Variants in PLXNA4 observed in about 807,000 individuals in gnomAD.
PLXNA4 encodes the protein plexin-A4.
Under a neutral mutation model 191.8 loss-of-function variants are expected in PLXNA4, and 44 were observed. The ratio of observed to expected loss-of-function variants is 0.23; its 90% CI spans 0.18 to 0.29. The LOEUF (loss-of-function observed/expected upper bound fraction) is 0.29. Among genes scored for constraint, PLXNA4 ranks in the 10% least tolerant of loss-of-function variants. PLXNA4 has a pLI of 1.00. For synonymous variants in PLXNA4, 1,082 were observed against 1,009.5 expected (o/e 1.07, Z -1.36); for missense variants, 1,800 against 2,488.8 (o/e 0.72, Z 5.89).
intron 1 of PLXNA4, among the ~76,000 whole-genome samples, chr7:132,532,899 A>G (rs897797455): frequency 1.3e-5 from 2 of 152,148 alleles, no homozygotes; most frequent in African/African-American, 2.4e-5. Context: ...CCTGAGACTA[A>G]CTATTTATTC....
chr7:132,221,692 C>T (rs1428963790), intron 9 of PLXNA4, among the ~76,000 whole-genome samples: 1 of 152,210 alleles, frequency 6.6e-6, no homozygotes, highest in African/African-American at 2.4e-5. Context: ...CACACTCTTA[C>T]ATAAAATCCA....
At chr7:132,428,449 C>T (rs758004751) in intron 3 of PLXNA4, among the ~76,000 whole-genome samples, 4 of 152,332 alleles carry the variant, frequency 2.6e-5, no homozygotes, top group African/African-American at 7.2e-5. Context: ...TCCCTGTTGG[C>T]GCCTGGTGCA....
At chr7:132,490,423 CTTTTTT>C (rs35467841) in intron 2 of PLXNA4, among the ~76,000 whole-genome samples, 1 of 110,502 alleles carries the variant, frequency 9.0e-6, no homozygotes, top group Non-Finnish European at 1.7e-5. Context: ...CCTTTTCTTC[CTTTTTT>C]TTTTTTTTTT....
chr7:132,183,504 T>C (rs1796778882), intron 16 of PLXNA4, among the ~76,000 whole-genome samples: 1 of 152,198 alleles, frequency 6.6e-6, no homozygotes, highest in African/African-American at 2.4e-5. Context: ...TCCCTCCTAG[T>C]GGGAGCATGA....
intron 25 of PLXNA4, among the ~76,000 whole-genome samples, chr7:132,151,352 A>G (rs1302722185): frequency 2.1e-4 from 15 of 70,988 alleles, no homozygotes; most frequent in East Asian, 5.6e-4. Flanking sequence ...GAGGAGGAAG[A>G]AGAAGGAGGA....
intron 2 of PLXNA4, among the ~76,000 whole-genome samples, chr7:132,605,342 T>G (rs528938671): frequency 2.0e-5 from 3 of 152,196 alleles, no homozygotes; most frequent in Non-Finnish European, 4.4e-5. Context: ...TGAGGCTATG[T>G]CTGAGAAACA....
At chr7:132,446,440 G>C (rs1040929709) in intron 3 of PLXNA4, among the ~76,000 whole-genome samples, 1 of 152,112 alleles carries the variant, frequency 6.6e-6, no homozygotes, top group Non-Finnish European at 1.5e-5. Context: ...ATTTGAAAAG[G>C]GTGGAACTCA....
intron 3 of PLXNA4, among the ~76,000 whole-genome samples, chr7:132,398,486 C>T (rs906146938): frequency 2.0e-5 from 3 of 152,174 alleles, no homozygotes; most frequent in African/African-American, 7.2e-5. Flanking sequence ...GTGGAGATGC[C>T]GTCCATGCCC....
intron 3 of PLXNA4, among the ~76,000 whole-genome samples, chr7:132,390,199 A>G (rs768409630): frequency 7.2e-5 from 11 of 152,248 alleles, no homozygotes; most frequent in Non-Finnish European, 8.8e-5. Context: ...TGGACAAAGA[A>G]AATGTGGCCC....
In PLXNA4 at chr7:132,132,502, A is replaced by ATTCT. The variant is rs1563048601; in HGVS notation, c.5589+543_5589+546dup. On this transcript the variant is annotated intron_variant, in intron 31 of 31. Coordinates refer to ENST00000321063, the MANE Select transcript of PLXNA4 (RefSeq NM_020911.2). ...GCTCTGCTCTGCTCTATTCTTTTCT[A>ATTCT]TTCTATTCTATTCTATTCTATTCTA... Among the ~76,000 whole-genome samples, 216 of 88,210 alleles carry ATTCT rather than the reference A, an allele frequency of 2.4e-3. 7 individuals are homozygous for ATTCT. Among genetic ancestry groups the ATTCT allele is most frequent in the African/African-American group, 0.01 (197 of 18,900 alleles). The allele number at this position is 88,210 out of a possible 152,430, so 57.9% of individuals were successfully genotyped here. A position where few individuals can be genotyped will look rare whatever the true frequency, so the allele number is the denominator to read the frequency against.
chr7:132,519,280 A>G (rs954834551), intron 1 of PLXNA4, among the ~76,000 whole-genome samples: 1 of 152,192 alleles, frequency 6.6e-6, no homozygotes, highest in African/African-American at 2.4e-5. Flanking sequence ...TACCCAGTCC[A>G]TGAGGAACAC....
chr7:132,245,793 G>A (rs1212990588), intron 4 of PLXNA4, among the ~76,000 whole-genome samples: 2 of 152,206 alleles, frequency 1.3e-5, no homozygotes, highest in African/African-American at 4.8e-5. Context: ...CAACATGGAT[G>A]AACCTCGAGG....
At chr7:132,501,827 A>T (rs1215272437) in intron 2 of PLXNA4, among the ~76,000 whole-genome samples, 3 of 152,216 alleles carry the variant, frequency 2.0e-5, no homozygotes, top group African/African-American at 7.2e-5. Context: ...AGAGGTGGGC[A>T]CTCAGACCAA....
chr7:132,430,059 A>G lies in PLXNA4; in HGVS notation c.1371+59233T>C, dbSNP rs139629698. On this transcript the variant is annotated intron_variant, in intron 3 of 31. Coordinates refer to ENST00000321063, the MANE Select transcript of PLXNA4 (RefSeq NM_020911.2). ...TCTATGCAGAGGGTATTTGTGGCAT[A>G]TGAGGTAATAAGAGACCAACATCCT... 2.9e-4 allele frequency among the ~76,000 whole-genome samples: 44 copies of G among 152,278 alleles called. 1 individual carries two copies. The East Asian group carries it at 8.3e-3, about 29-fold the overall frequency.
intron 3 of PLXNA4, among the ~76,000 whole-genome samples, chr7:132,477,466 G>A (rs1208075660): frequency 6.6e-6 from 1 of 152,198 alleles, no homozygotes; most frequent in Non-Finnish European, 1.5e-5. Flanking sequence ...ATAACATGGA[G>A]CAGGGCTGCA....
intron 25 of PLXNA4, among the ~76,000 whole-genome samples, chr7:132,158,729 G>A (rs919403696): frequency 6.6e-6 from 1 of 152,056 alleles, no homozygotes; most frequent in East Asian, 1.9e-4. Flanking sequence ...AGATGTGTTT[G>A]ATGCTGGCCC....
At position 132,185,392 on chromosome 7, in the gene PLXNA4, T is replaced by C; in HGVS notation, c.3065A>G (p.Gln1022Arg). The change falls in exon 16 of 32, where the codon CAG (glutamine) becomes CGG (arginine). Residue 1022 changes from glutamine to arginine, a missense_variant. Physicochemically the swap from Gln to Arg is conservative, Grantham distance 43. Transcript: ENST00000321063. ...DEVLEMKVSV[Q>R]VDRAKIHQDL... ...CTGGTGGATCTTGGCCCTGTCCACC[T>C]GCACCGACACCTTCATCTCTAGCAC... The C allele has an allele frequency of 6.8e-6, 11 of 1,614,168 alleles. No homozygotes were observed. Among genetic ancestry groups the C allele is most frequent in the Non-Finnish European group, 8.5e-6 (10 of 1,180,018 alleles).
At chr7:132,195,133 A>G (rs1032681652) in intron 13 of PLXNA4, among the ~76,000 whole-genome samples, 2 of 152,216 alleles carry the variant, frequency 1.3e-5, no homozygotes, top group African/African-American at 4.8e-5. Flanking sequence ...GTTTTTACAT[A>G]TATACAATTA....
At chr7:132,645,837 A>G in intron 2 of PLXNA4, 1 of 152,676 alleles carries the variant, frequency 6.5e-6, no homozygotes, top group East Asian at 1.9e-4. Context: ...TGGTCAGAGC[A>G]GTGAGGAAGA....
Sources: gnomAD v4.1 joint callset for allele counts (sites outside exome capture counted in the v4.1 genomes callset) on GRCh38, gnomAD v4.1.1 for gene constraint, MANE v1.5 for transcripts, NCBI Gene and HGNC (gene_info 2026-07-23, HGNC 2026-07-21) for gene names.